The following MGA variants were observed in gnomAD, a reference collection of about 807,000 sequenced individuals.
The protein encoded by MGA is MAX dimerization protein MGA, also known as MAX gene-associated protein.
Under a neutral mutation model 261.1 loss-of-function variants are expected in MGA, and 40 were observed. The ratio of observed to expected loss-of-function variants is 0.15; its 90% CI spans 0.12 to 0.20. The LOEUF (loss-of-function observed/expected upper bound fraction) is 0.20. Ranked by LOEUF, MGA falls within the 10% of genes least tolerant of loss-of-function variation. The pLI is 1.00. For missense variants in MGA, 3,397 were observed against 3,630.5 expected (o/e 0.94, Z 1.65); for synonymous variants, 1,302 against 1,290.6 (o/e 1.01, Z -0.19).
In MGA at chr15:41,764,911, A is replaced by G; in HGVS notation, c.7770A>G (p.Pro2590=). The G allele has an allele frequency of 6.2e-7, 1 of 1,613,934 alleles. No individual in the cohort carries two copies. The highest frequency in any genetic ancestry group is 8.5e-7 in the Non-Finnish European group (1 of 1,179,866). The change falls in exon 23 of 24, where the codon CCA becomes CCG. Residue 2590 remains proline (P), a synonymous_variant. Coordinates refer to ENST00000219905, the MANE Select transcript of MGA (RefSeq NM_001164273.2). ...AAAATACCTCACCCTTGAACACTCC[A>G]CACACCTCTGCCAACCTTGTGATGA...
chr15:41,656,332 CCCTCTCCTCTCT>C (rs1566936346), upstream of MGA, among the ~76,000 whole-genome samples: 33 of 111,022 alleles, frequency 3.0e-4, no homozygotes, highest in East Asian at 5.2e-4. Flanking sequence ...TTCTCTCTCT[CCCTCTCCTCTCT>C]TCTCTCTCTC....
At chr15:41,726,150 A>G (rs955705764) in intron 9 of MGA, among the ~76,000 whole-genome samples, 12 of 152,062 alleles carry the variant, frequency 7.9e-5, no homozygotes, top group African/African-American at 2.9e-4. Flanking sequence ...TTTGATTACA[A>G]TTTGTTATTA....
rs756848013 is a variant in MGA, at chr15:41,766,091, A to G, written c.8009A>G (p.Lys2670Arg). Residue 2670 changes from lysine (K) to arginine (R), a missense_variant, in exon 24 of 24, where the codon AAA (lysine) becomes AGA (arginine). By Grantham distance (26) the Lys-to-Arg change is conservative. Transcript: ENST00000219905. ...GGTTTGGTAGATATGGGTGGCAGCAAATATCCTCATGAAGTTCCTGATAGC... is the reference window on the plus strand; with the variant it reads ...GGTTTGGTAGATATGGGTGGCAGCAGATATCCTCATGAAGTTCCTGATAGC... 5 of 1,613,974 alleles carry G rather than the reference A, an allele frequency of 3.1e-6. No homozygotes were observed. Among genetic ancestry groups the G allele is most frequent in the Admixed American group, 1.7e-5 (1 of 60,026 alleles).
chr15:41,727,578 G>A (rs2061315576), intron 10 of MGA, among the ~76,000 whole-genome samples, 172 bp downstream of exon 10: 1 of 152,188 alleles, frequency 6.6e-6, no homozygotes, highest in Admixed American at 6.5e-5. Context: ...CTTTAAAAAT[G>A]TCTTAAAAGT....
intron 15 of MGA, among the ~76,000 whole-genome samples, chr15:41,746,187 A>G (rs2062454031): frequency 6.6e-6 from 1 of 152,174 alleles, no homozygotes; most frequent in Admixed American, 6.5e-5. Context: ...CTAAAAGTTA[A>G]TTTGAAGAAA....
chr15:41,736,610 G>T lies in MGA; in HGVS notation c.4346G>T (p.Gly1449Val), dbSNP rs755766809. Residue 1449 changes from glycine (G) to valine (V), a missense_variant, in exon 13 of 24, where the codon GGT becomes GTT. Physicochemically the swap from Gly to Val is moderately radical, Grantham distance 109. This residue lies in a region of MGA where 1,410 missense variants were observed against 1,386.4 expected (regional missense o/e 1.02). Coordinates refer to ENST00000219905, the MANE Select transcript of MGA (RefSeq NM_001164273.2). ...AGGGAGAGATTACATGGAGGCAAAG[G>T]TCTGCCTTTTTATGCAGGGCTTTCT... 4 of 1,614,000 alleles carry T rather than the reference G, an allele frequency of 2.5e-6. No individual in the cohort carries two copies. The South Asian group carries it at 4.4e-5, about 18-fold the overall frequency.
At position 41,696,314 on chromosome 15, in the gene MGA, A is replaced by T. The variant is rs1566989441; in HGVS notation, c.1304A>T (p.Asn435Ile). The change falls in exon 3 of 24, where the codon AAC (asparagine) becomes ATC (isoleucine). Residue 435 changes from asparagine to isoleucine, a missense_variant. Physicochemically the swap from Asn to Ile is moderately radical, Grantham distance 149 (BLOSUM62 -3). Transcript: ENST00000219905. ...CTAAAGAGGCACAATAAAGTTGACA[A>T]CCCAGAAGCTGACCATCTATCTTCT... 1 of 1,613,938 alleles carries T rather than the reference A, an allele frequency of 6.2e-7. No individual in the cohort carries two copies. The highest frequency in any genetic ancestry group is 1.7e-5 in the Admixed American group (1 of 60,016).
intron 1 of MGA, among the ~76,000 whole-genome samples, chr15:41,653,550 A>AT (rs1040848940): frequency 3.3e-5 from 5 of 151,796 alleles, no homozygotes; most frequent in South Asian, 2.1e-4. Context: ...TACGTTAAAA[A>AT]ATATATATAT....
intron 11 of MGA, among the ~76,000 whole-genome samples, chr15:41,730,129 G>T (rs1046537949): frequency 5.4e-4 from 82 of 152,048 alleles, no homozygotes; most frequent in African/African-American, 1.9e-3. Context: ...CCTGACCTCT[G>T]ATGATCCACC....
chr15:41,663,806 C>T (rs1191764670), intron 1 of MGA, among the ~76,000 whole-genome samples: 4 of 152,092 alleles, frequency 2.6e-5, no homozygotes, highest in Admixed American at 6.5e-5. Flanking sequence ...TTGAGTTTTG[C>T]GGTTGGCTTA....
At chr15:41,665,610 C>G (rs2057689038) in intron 1 of MGA, among the ~76,000 whole-genome samples, 1 of 152,194 alleles carries the variant, frequency 6.6e-6, no homozygotes, top group South Asian at 2.1e-4. Flanking sequence ...TTAAGCGATC[C>G]TCCTGCCTCA....
chr15:41,734,074 A>C (rs2061650396), intron 11 of MGA, among the ~76,000 whole-genome samples: 1 of 151,648 alleles, frequency 6.6e-6, no homozygotes, highest in Non-Finnish European at 1.5e-5. Context: ...TTTGTGGCTA[A>C]GCTTTTGTAT....
chr15:41,711,283 A>C lies in MGA; in HGVS notation c.3018A>C (p.Gly1006=), dbSNP rs1268748918. ...TGGAAGACTGTGCACTTTGGGAAGG[A>C]AAACCAAGGACATACATCACAGAAG... Residue 1006 remains glycine (G), a synonymous_variant, in exon 8 of 24, where the codon GGA becomes GGC. Coordinates refer to ENST00000219905, the MANE Select transcript of MGA (RefSeq NM_001164273.2). 1 of 1,613,860 alleles carries C rather than the reference A, an allele frequency of 6.2e-7. No individual in the cohort carries two copies. The highest frequency in any genetic ancestry group is 1.3e-5 in the African/African-American group (1 of 74,928).
rs202119156 is a variant in MGA, at chr15:41,623,775, ATTT to A, written c.-68+2491_-68+2493del. 1.3e-3 allele frequency among the ~76,000 whole-genome samples: 141 copies of A among 110,742 alleles called. 1 individual carries two copies. Among genetic ancestry groups the A allele is most frequent in the South Asian group, 1.2e-3 (4 of 3,266 alleles). 72.7% of individuals were successfully genotyped at this position (110,742 alleles called of 152,430 possible). A position where few individuals can be genotyped will look rare whatever the true frequency, so the allele number is the denominator to read the frequency against. On this transcript the variant is annotated intron_variant, in intron 1 of 8. Transcript: ENST00000566718. ...GTGAATTATTTATATATATATATAT[ATTT>A]TTTTTTTTTTTTTGAGAGGGAGTTT...
intron 7 of MGA, among the ~76,000 whole-genome samples, chr15:41,708,779 C>T (rs1290535513): frequency 2.6e-5 from 4 of 152,182 alleles, no homozygotes; most frequent in Non-Finnish European, 5.9e-5. Flanking sequence ...TTACAAAAAA[C>T]ATTCTCAAGC....
Position 41,686,004 on chromosome 15 carries a change from CAA to C in MGA, c.1065-10057_1065-10056del, listed in dbSNP as rs34711774. ...TGGGTGACAGAGTGAGACTCTGTCT[CAA>C]AAAAAAAAAAAAATAATAATAATAA... On this transcript the variant is annotated intron_variant, in intron 2 of 23. Transcript: ENST00000219905. Among the ~76,000 whole-genome samples, 111 of 129,108 alleles carry C rather than the reference CAA, an allele frequency of 8.6e-4. 1 individual carries two copies. Among genetic ancestry groups the C allele is most frequent in the South Asian group, 6.1e-3 (24 of 3,966 alleles). The allele number at this position is 129,108 out of a possible 152,430, so 84.7% of individuals were successfully genotyped here. A position where few individuals can be genotyped will look rare whatever the true frequency, so the allele number is the denominator to read the frequency against.
chr15:41,722,580 C>A (rs1024938914), intron 9 of MGA, among the ~76,000 whole-genome samples: 2 of 152,104 alleles, frequency 1.3e-5, no homozygotes, highest in South Asian at 2.1e-4. Flanking sequence ...TAGCACTGTT[C>A]TATTTCTTGT....
Position 41,675,372 on chromosome 15 carries a change from T to C in MGA, c.1064+5414T>C, listed in dbSNP as rs1002901345. ...TAGAGGCTATTGCTGCTTTTTTTTT[T>C]CCCCTTTCTTTTTTTTTGAGTCAGG... On this transcript the variant is annotated intron_variant, in intron 2 of 23. Transcript: ENST00000219905. Among the ~76,000 whole-genome samples, 22 of 152,130 alleles carry C rather than the reference T, an allele frequency of 1.4e-4. No individual in the cohort carries two copies. In the South Asian group the frequency reaches 1.7e-3, roughly 11 times the overall value.
intron 15 of MGA, among the ~76,000 whole-genome samples, chr15:41,746,544 C>CA (rs869061461): frequency 0.11 from 6,431 of 58,142 alleles, 491 homozygotes; most frequent in African/African-American, 0.22. Flanking sequence ...GACTTCGTCT[C>CA]AAAAAAAAAA....
Sources: gnomAD v4.1 joint callset for allele counts (sites outside exome capture counted in the v4.1 genomes callset) on GRCh38, gnomAD v4.1.1 for gene constraint, gnomAD v4.1.1 regional missense constraint, MANE v1.5 for transcripts, NCBI Gene and HGNC (gene_info 2026-07-23, HGNC 2026-07-21) for gene names.